SHQ1: variants seen among roughly 807,000 people sequenced by gnomAD.
SHQ1 encodes the protein SHQ1, H/ACA ribonucleoprotein assembly factor.
SHQ1 carries 49 observed loss-of-function variants against 53.8 expected under a neutral mutation model. The ratio of observed to expected loss-of-function variants is 0.91; its 90% confidence interval spans 0.72 to 1.16. The LOEUF (loss-of-function observed/expected upper bound fraction) is 1.16. SHQ1 is among the 50% of genes most tolerant of loss of function. SHQ1 has a pLI of 0.00. For missense variants in SHQ1, 738 were observed against 683.1 expected (o/e 1.08, Z -0.90); for synonymous variants, 243 against 251.0 (o/e 0.97, Z 0.30).
the SHQ1 span, among the ~76,000 whole-genome samples, chr3:72,731,464 T>C: frequency 6.6e-6 from 1 of 151,128 alleles, no homozygotes; most frequent in African/African-American, 2.4e-5. Flanking sequence ...GACAGATGGA[T>C]CACTTGAGGT....
downstream of SHQ1, among the ~76,000 whole-genome samples, chr3:72,746,316 A>AT (rs1263985221): frequency 6.6e-6 from 1 of 151,966 alleles, no homozygotes; most frequent in Middle Eastern, 3.4e-3. Context: ...GCCCCAACTT[A>AT]TTTTTTTCTC....
chr3:72,736,891 C>T, the SHQ1 span, among the ~76,000 whole-genome samples: 1 of 151,752 alleles, frequency 6.6e-6, no homozygotes, highest in Non-Finnish European at 1.5e-5. Context: ...GGTTTGCTGA[C>T]TCCTGCACTA....
chr3:72,765,559 T>TATATATATATATATA, intron 10 of SHQ1, among the ~76,000 whole-genome samples: 1 of 99,020 alleles, frequency 1.0e-5, no homozygotes, highest in East Asian at 2.7e-4. Flanking sequence ...ATATATATAT[T>TATATATATATATATA]TTTTTTTTTT....
chr3:72,735,750 AAGGCAGGCAGGCAGGCAGGCAGGCAGGC>A, the SHQ1 span, among the ~76,000 whole-genome samples: 2 of 122,632 alleles, frequency 1.6e-5, no homozygotes, highest in South Asian at 2.7e-4. Context: ...GGAAGGAAGG[AAGGCAGGCAGGCAGGCAGGCAGGCAGGC>A]AGGCAGGCAG....
intron 10 of SHQ1, among the ~76,000 whole-genome samples, chr3:72,784,530 T>C (rs938014140): frequency 1.3e-5 from 2 of 152,328 alleles, no homozygotes; most frequent in African/African-American, 2.4e-5. Flanking sequence ...CCAGGATGAA[T>C]TTGTGGATTT....
At chr3:72,734,044 C>G in the SHQ1 span, among the ~76,000 whole-genome samples, 1 of 151,034 alleles carries the variant, frequency 6.6e-6, no homozygotes, top group African/African-American at 2.4e-5. Flanking sequence ...GCCTGTAGTC[C>G]TAGCTACTCA....
chr3:72,742,619 C>CTTTTTTTTTTTTTTTTTTT, the SHQ1 span, among the ~76,000 whole-genome samples: 1 of 128,612 alleles, frequency 7.8e-6, no homozygotes, highest in African/African-American at 2.9e-5. Context: ...TTCTTTTTTT[C>CTTTTTTTTTTTTTTTTTTT]TTTTTTTTTT....
At chr3:72,748,193 T>C (rs1705289612), downstream of SHQ1, among the ~76,000 whole-genome samples, 1 of 151,470 alleles carries the variant, frequency 6.6e-6, no homozygotes, top group African/African-American at 2.4e-5. Context: ...GCAAGACCCA[T>C]AAGGATCAAA....
rs1217303223 is a variant in SHQ1 at position 72,749,866 on chromosome 3, T to A, written c.*418A>T. On this transcript the variant is annotated 3_prime_UTR_variant, in exon 11 of 11. Coordinates refer to ENST00000325599, the MANE Select transcript of SHQ1 (RefSeq NM_018130.3). ...ACAATGTCATAAAGTTGTCCCCGTA[T>A]CTGTGGGGGGTTGGTTCCAGGACTC... 6 of 227,248 alleles carry A rather than the reference T, an allele frequency of 2.6e-5. No homozygotes were observed. The highest frequency in any genetic ancestry group is 5.2e-5 in the Non-Finnish European group (6 of 114,774). 14.1% of individuals were successfully genotyped at this position (227,248 alleles called of 1,614,324 possible). A position where few individuals can be genotyped will look rare whatever the true frequency, so the allele number is the denominator to read the frequency against.
chr3:72,834,606 C>A (rs573336765), intron 4 of SHQ1, among the ~76,000 whole-genome samples: 2 of 152,320 alleles, frequency 1.3e-5, no homozygotes, highest in East Asian at 3.9e-4. Context: ...TGGGCAAAAA[C>A]CAGATTACTG....
In SHQ1 at chr3:72,794,214, T is replaced by C. The variant is rs2106799920; in HGVS notation, c.1061-1178A>G. Reference sequence around the variant, plus strand: ...GATGCACTTTCATTGACATTTCCCATTTAACTTTTAGATCATAAAAGAATC... The same window carrying C: ...GATGCACTTTCATTGACATTTCCCACTTAACTTTTAGATCATAAAAGAATC... On this transcript the variant is annotated intron_variant, in intron 9 of 10. Transcript: ENST00000325599. The C allele has an allele frequency of 2.0e-5, 3 of 152,324 alleles. No individual in the cohort carries two copies. In the South Asian group the frequency reaches 6.2e-4, roughly 32 times the overall value. 9.4% of individuals were successfully genotyped at this position (152,324 alleles called of 1,614,324 possible).
chr3:72,738,510 T>C, the SHQ1 span, among the ~76,000 whole-genome samples: 2 of 152,268 alleles, frequency 1.3e-5, no homozygotes, highest in Middle Eastern at 3.4e-3. Context: ...TTTAGGGATC[T>C]GCTTCGCGCC....
intron 10 of SHQ1, among the ~76,000 whole-genome samples, chr3:72,769,016 T>C (rs1245495224): frequency 2.6e-5 from 4 of 152,224 alleles, no homozygotes; most frequent in Admixed American, 1.3e-4. Flanking sequence ...CCTGCTTGAA[T>C]GGGACCTGCA....
chr3:72,793,162 A>G, intron 9 of SHQ1, 126 bp from the exon 10 acceptor site: 1 of 807,594 alleles, frequency 1.2e-6, no homozygotes, highest in South Asian at 1.9e-5. Flanking sequence ...ATGCAAAAAA[A>G]TTTATGAGTC....
At chr3:72,810,027 CTTTTAT>C (rs894892998) in intron 9 of SHQ1, 1 of 151,322 alleles carries the variant, frequency 6.6e-6, no homozygotes, top group Non-Finnish European at 1.5e-5. Flanking sequence ...TTCTCTTTTA[CTTTTAT>C]TTTTAATTGA....
chr3:72,820,404 C>T (rs1707442192), intron 6 of SHQ1, among the ~76,000 whole-genome samples: 1 of 152,172 alleles, frequency 6.6e-6, no homozygotes, highest in South Asian at 2.1e-4. Context: ...TGGCCTACTT[C>T]ATTAATAACA....
chr3:72,785,354 G>C (rs369710650), intron 10 of SHQ1, among the ~76,000 whole-genome samples: 2 of 152,202 alleles, frequency 1.3e-5, no homozygotes, highest in East Asian at 1.9e-4. Flanking sequence ...CAATTGACAA[G>C]AAGTAGTCAT....
At chr3:72,814,749 C>A (rs778439171) in intron 8 of SHQ1, among the ~76,000 whole-genome samples, 2 of 151,982 alleles carry the variant, frequency 1.3e-5, no homozygotes, top group Admixed American at 1.3e-4. Flanking sequence ...GTGAGACCTG[C>A]ACAACTATTT....
intron 4 of SHQ1, among the ~76,000 whole-genome samples, chr3:72,834,156 T>C (rs894698171): frequency 1.3e-5 from 2 of 152,230 alleles, no homozygotes; most frequent in Non-Finnish European, 2.9e-5. Context: ...TCACAATCCA[T>C]TTAGCTTAAG....
Sources: gnomAD v4.1 joint callset for allele counts (sites outside exome capture counted in the v4.1 genomes callset) on GRCh38, gnomAD v4.1.1 for gene constraint, MANE v1.5 for transcripts, NCBI Gene and HGNC (gene_info 2026-07-23, HGNC 2026-07-21) for gene names.